Variants in BTD observed in about 807,000 individuals in gnomAD.
BTD encodes the protein biocytinase.
Under a neutral mutation model 17.7 loss-of-function variants are expected in BTD, and 13 were observed. The observed-to-expected ratio is 0.74, with a 90% confidence interval of 0.48 to 1.17. The LOEUF (loss-of-function observed/expected upper bound fraction) is 1.17, where lower values mean the gene tolerates loss of function less well. Ranked by LOEUF, BTD falls within the 50% of genes most tolerant of loss-of-function variation. The probability of loss-of-function intolerance (pLI) is 0.00; values close to 1 mark genes in which losing one functional copy is unlikely to be tolerated. For missense variants in BTD, 674 were observed against 650.4 expected (o/e 1.04, Z -0.39); for synonymous variants, 240 against 245.2 (o/e 0.98, Z 0.20).
rs775730599 is a variant in BTD, at chr3:15,644,684, C to A, written c.768C>A (p.Leu256=). The A allele has an allele frequency of 2.5e-6, 4 of 1,614,190 alleles. No individual in the cohort carries two copies. In the Admixed American group the frequency reaches 6.7e-5, roughly 27 times the overall value. Residue 256 remains leucine (L), a synonymous_variant, in exon 4 of 4, where the codon CTC becomes CTA. Coordinates refer to ENST00000643237, the MANE Select transcript of BTD (RefSeq NM_001370658.1). ...VVYPTAWMNQ[L]PLLAAIEIQK... is the part of the protein sequence containing the mutation. ...ACCCAACTGCCTGGATGAACCAGCT[C>A]CCACTCTTGGCAGCAATTGAGATTC...
chr3:15,682,524 T>C (rs377280061), intron 3 of BTD, among the ~76,000 whole-genome samples: 3 of 152,224 alleles, frequency 2.0e-5, no homozygotes, highest in African/African-American at 7.2e-5. Context: ...TAGAGCTTCA[T>C]AAAAATGAAC....
chr3:15,638,235 T>C (rs2065404689), intron 2 of BTD, among the ~76,000 whole-genome samples: 1 of 152,184 alleles, frequency 6.6e-6, no homozygotes, highest in Non-Finnish European at 1.5e-5. Flanking sequence ...TAACAGCCCA[T>C]GGTGTTCTGG....
rs745315674 is a variant in BTD, at chr3:15,721,085, C to T, written c.1016-685C>T. On this transcript the variant is annotated intron_variant, in intron 4 of 4. Coordinates refer to the BTD transcript ENST00000672427. ...ACAACATCTTGTCCATTATAGCAGG[C>T]TACATGAAGAGGTGTATTTCCATAG... 4.7e-5 allele frequency: 76 copies of T among 1,613,482 alleles called. No homozygotes were observed. Among genetic ancestry groups the T allele is most frequent in the Non-Finnish European group, 6.2e-5 (73 of 1,179,734 alleles).
chr3:15,670,556 C>T (rs776973364), intron 3 of BTD: 3 of 1,606,694 alleles, frequency 1.9e-6, no homozygotes, highest in South Asian at 1.1e-5. Context: ...TGGGGTATAG[C>T]CTAGAATTAA....
chr3:15,690,778 G>A (rs556076817), intron 3 of BTD, among the ~76,000 whole-genome samples: 14 of 151,836 alleles, frequency 9.2e-5, no homozygotes, highest in Admixed American at 2.0e-4. Flanking sequence ...TATGCTATCC[G>A]GGCTGGTCTC....
chr3:15,626,793 A>AAG (rs1342953145), intron 1 of BTD, among the ~76,000 whole-genome samples: 6 of 144,406 alleles, frequency 4.2e-5, no homozygotes, highest in Non-Finnish European at 9.0e-5. Context: ...AAAAAAAAAA[A>AAG]AAGAAAAGAA....
At chr3:15,720,652 A>G (rs892305563) in intron 4 of BTD, among the ~76,000 whole-genome samples, 14 of 152,236 alleles carry the variant, frequency 9.2e-5, no homozygotes, top group Middle Eastern at 6.8e-3. Flanking sequence ...CCCTCCTCAC[A>G]ATGGCAATAA....
rs2065782076 is a variant in BTD, at chr3:15,650,387, T to C, written c.*4899T>C. The stretch of plus-strand genomic sequence containing the variant: ...ATATATAATTTTTTGTAGATAACTT[T>C]TCTTCTCATTTTCCTTCTCATTCTC... On this transcript the variant is annotated 3_prime_UTR_variant, in exon 4 of 4. Transcript: ENST00000643237. 6.6e-6 allele frequency among the ~76,000 whole-genome samples: 1 copy of C among 152,216 alleles called. No individual in the cohort carries two copies. Among genetic ancestry groups the C allele is most frequent in the South Asian group, 2.1e-4 (1 of 4,834 alleles).
chr3:15,682,648 C>G (rs1379729877), intron 3 of BTD, among the ~76,000 whole-genome samples: 1 of 152,156 alleles, frequency 6.6e-6, no homozygotes, highest in African/African-American at 2.4e-5. Flanking sequence ...ACTTGGCCAT[C>G]ATTTCATTTT....
At chr3:15,698,063 G>C (rs1003459405) in intron 3 of BTD, among the ~76,000 whole-genome samples, 4 of 151,844 alleles carry the variant, frequency 2.6e-5, no homozygotes, top group African/African-American at 4.8e-5. Context: ...GTATTTCTTT[G>C]AGCTCGGTGG....
chr3:15,602,015 G>T (rs1023963677), intron 1 of BTD, 121 bp downstream of exon 1: 18 of 1,511,276 alleles, frequency 1.2e-5, no homozygotes, highest in Non-Finnish European at 1.6e-5. Context: ...GAGCTGGGAA[G>T]CCCGGCGCGC....
rs1301556767 is a variant in BTD at position 15,650,808 on chromosome 3, C to T, written c.*5320C>T. On this transcript the variant is annotated 3_prime_UTR_variant, in exon 4 of 4. Coordinates refer to ENST00000643237, the MANE Select transcript of BTD (RefSeq NM_001370658.1). ...TTTTTGAGATGGAGTCTTGCTCTGT[C>T]GCCCGGGCAGGAGTGCAATGGCATG... 6.6e-6 allele frequency among the ~76,000 whole-genome samples: 1 copy of T among 152,182 alleles called. No homozygotes were observed. Among genetic ancestry groups the T allele is most frequent in the Non-Finnish European group, 1.5e-5 (1 of 68,036 alleles).
In BTD at chr3:15,627,169, G is replaced by A. The variant is rs139556758; in HGVS notation, c.-16-8255G>A. Among the ~76,000 whole-genome samples, 134 of 152,264 alleles carry A rather than the reference G, an allele frequency of 8.8e-4. 1 individual carries two copies. In the East Asian group the frequency reaches 0.022, roughly 25 times the overall value. On this transcript the variant is annotated intron_variant, in intron 1 of 3. Transcript: ENST00000643237. ...CACCCCTGAGCAGCCACGGCATGCC[G>A]GCTCACCGTGCTTCCCACCACGCAT...
At chr3:15,679,135 C>CA (rs1559319240) in intron 3 of BTD, among the ~76,000 whole-genome samples, 3 of 143,982 alleles carry the variant, frequency 2.1e-5, no homozygotes, top group Non-Finnish European at 4.6e-5. Flanking sequence ...TCATCATGCA[C>CA]TTTTTTTTTT....
chr3:15,621,736 A>T (rs1195051748), intron 1 of BTD, among the ~76,000 whole-genome samples: 2 of 152,062 alleles, frequency 1.3e-5, no homozygotes. Context: ...AGTAGCTGGA[A>T]TTACAGGTGC....
intron 4 of BTD, among the ~76,000 whole-genome samples, chr3:15,720,078 A>G (rs1211441501): frequency 6.6e-6 from 1 of 152,060 alleles, no homozygotes; most frequent in Non-Finnish European, 1.5e-5. Context: ...TGTCCAGGCT[A>G]GTCCTGAATT....
rs2065629923 is a variant in BTD, at chr3:15,644,385, G to A, written c.469G>A (p.Glu157Lys). ...MFLVANLGTK[E>K]PCHSSDPRCP... Reference sequence around the variant, plus strand: ...CTTGGTGGCCAATCTTGGGACAAAGGAGCCTTGTCATAGCAGTGACCCAAG... The same window carrying A: ...CTTGGTGGCCAATCTTGGGACAAAGAAGCCTTGTCATAGCAGTGACCCAAG... The change falls in exon 4 of 4, where the codon GAG (glutamate) becomes AAG (lysine). Residue 157 changes from glutamate (E) to lysine (K), a missense_variant. Coordinates refer to ENST00000643237, the MANE Select transcript of BTD (RefSeq NM_001370658.1). The A allele has an allele frequency of 6.2e-7, 1 of 1,614,128 alleles. No homozygotes were observed. Among genetic ancestry groups the A allele is most frequent in the African/African-American group, 1.3e-5 (1 of 75,034 alleles).
downstream of BTD, among the ~76,000 whole-genome samples, chr3:15,715,736 A>G (rs543841991): frequency 1.3e-5 from 2 of 152,302 alleles, no homozygotes; most frequent in African/African-American, 4.8e-5. Flanking sequence ...TGAGGATAAT[A>G]CCATCTACAT....
Position 15,649,661 on chromosome 3 carries a change from G to A in BTD, c.*4173G>A, listed in dbSNP as rs540064119. Among the ~76,000 whole-genome samples the A allele has an allele frequency of 6.6e-6, 1 of 152,294 alleles. No homozygotes were observed. Among genetic ancestry groups the A allele is most frequent in the East Asian group, 1.9e-4 (1 of 5,192 alleles). ...CCTCCAGTGTGCTGAGCACAGTCTG[G>A]CCCCTGTACTGTTGTCTGCTTGAAA... is the stretch of plus-strand genomic sequence containing the variant. On this transcript the variant is annotated 3_prime_UTR_variant, in exon 4 of 4. Coordinates refer to ENST00000643237, the MANE Select transcript of BTD (RefSeq NM_001370658.1).
Sources: allele counts gnomAD v4.1 joint callset (sites outside exome capture counted in the v4.1 genomes callset), GRCh38; gene constraint gnomAD v4.1.1; transcripts MANE v1.5; gene names NCBI Gene and HGNC (gene_info 2026-07-23, HGNC 2026-07-21).